The following TTLL11 variants were observed in gnomAD, a reference collection of about 807,000 sequenced individuals.
The protein encoded by TTLL11 is tubulin tyrosine ligase like 11, also known as tubulin polyglutamylase TTLL11.
In TTLL11, 42 loss-of-function variants were observed where a neutral mutation model predicts 51.7. The ratio of observed to expected loss-of-function variants is 0.81; its 90% CI spans 0.64 to 1.05. The LOEUF is 1.05. Among genes scored for constraint, TTLL11 ranks in the 50% least tolerant of loss-of-function variants. The probability of loss-of-function intolerance (pLI) is 0.00; values close to 1 mark genes in which losing one functional copy is unlikely to be tolerated. For missense variants in TTLL11, 799 were observed against 940.4 expected (o/e 0.85, Z 1.97); for synonymous variants, 381 against 383.5 (o/e 0.99, Z 0.08).
chr9:121,885,609 A>G (rs1838979916), intron 6 of TTLL11: 1 of 152,258 alleles, frequency 6.6e-6, no homozygotes, highest in South Asian at 2.1e-4. Context: ...TAATTTGCCC[A>G]AGGTCATCCA....
chr9:121,894,905 A>T (rs12000649), intron 6 of TTLL11, among the ~76,000 whole-genome samples: 55,663 of 151,708 alleles, frequency 0.37, 10,281 homozygotes, highest in East Asian at 0.5. Context: ...TAATTTTTTT[A>T]AAAAAGGGTT....
At chr9:121,925,074 A>C (rs1048955682) in intron 6 of TTLL11, among the ~76,000 whole-genome samples, 4 of 152,184 alleles carry the variant, frequency 2.6e-5, no homozygotes, top group African/African-American at 9.7e-5. Flanking sequence ...GGAGAGGAAG[A>C]AGCAGACACA....
intron 6 of TTLL11, among the ~76,000 whole-genome samples, chr9:121,958,435 TG>T (rs1842092062): frequency 6.6e-6 from 1 of 152,140 alleles, no homozygotes; most frequent in South Asian, 2.1e-4. Context: ...TGCTATCCCC[TG>T]GGGTCTTTTT....
intron 8 of TTLL11, among the ~76,000 whole-genome samples, chr9:121,826,545 ATATATGTGTGTG>A (rs1564260561): frequency 0.012 from 708 of 58,290 alleles, 32 homozygotes; most frequent in African/African-American, 0.067. Flanking sequence ...GTGTATATAT[ATATATGTGTGTG>A]TATATATATA....
chr9:121,924,274 C>T (rs1840639399), intron 6 of TTLL11, among the ~76,000 whole-genome samples: 1 of 152,216 alleles, frequency 6.6e-6, no homozygotes, highest in Non-Finnish European at 1.5e-5. Context: ...ATTGTAGGTG[C>T]TCGGCGTGTA....
At chr9:121,856,781 CCTCCAG>C (rs1261153549) in intron 8 of TTLL11, among the ~76,000 whole-genome samples, 1 of 152,228 alleles carries the variant, frequency 6.6e-6, no homozygotes, top group Non-Finnish European at 1.5e-5. Flanking sequence ...GGCACCCACA[CCTCCAG>C]CCAGTACCTA....
chr9:121,950,208 G>A (rs187261759), intron 6 of TTLL11, among the ~76,000 whole-genome samples: 9 of 152,106 alleles, frequency 5.9e-5, no homozygotes, highest in East Asian at 3.9e-4. Context: ...TCTGCACCCC[G>A]TATCACCGCA....
chr9:121,900,439 C>G (rs1416060066), intron 6 of TTLL11, among the ~76,000 whole-genome samples: 1 of 152,186 alleles, frequency 6.6e-6, no homozygotes, highest in Non-Finnish European at 1.5e-5. Flanking sequence ...TGTTATTTAG[C>G]AGTTTCACAG....
In TTLL11 at chr9:121,857,028, C is replaced by G. The variant is rs190016067; in HGVS notation, c.1840+3309G>C. 2.0e-5 allele frequency among the ~76,000 whole-genome samples: 3 copies of G among 152,348 alleles called. No individual in the cohort carries two copies. In the East Asian group the frequency reaches 5.8e-4, roughly 29 times the overall value. On this transcript the variant is annotated intron_variant, in intron 8 of 8. Transcript: ENST00000321582. Reference sequence around the variant, plus strand: ...ACCAGCCTTGAGAAGGAGGCAAGAACTGGGCCCTGGCTGGCACCAGCAGTG... The same window carrying G: ...ACCAGCCTTGAGAAGGAGGCAAGAAGTGGGCCCTGGCTGGCACCAGCAGTG...
chr9:121,972,565 A>C (rs2131653346), intron 6 of TTLL11, among the ~76,000 whole-genome samples: 1 of 152,390 alleles, frequency 6.6e-6, no homozygotes, highest in Non-Finnish European at 1.5e-5. Context: ...TGCCTCACAC[A>C]GTCAAGAACA....
chr9:121,926,347 C>T (rs1564308605), intron 6 of TTLL11, among the ~76,000 whole-genome samples: 3 of 152,238 alleles, frequency 2.0e-5, no homozygotes, highest in Admixed American at 1.3e-4. Context: ...TCCAGGTCCG[C>T]GGGTCCCTGC....
At chr9:122,067,582 C>T (rs1185680166) in intron 1 of TTLL11, among the ~76,000 whole-genome samples, 3 of 152,154 alleles carry the variant, frequency 2.0e-5, no homozygotes, top group Non-Finnish European at 4.4e-5. Flanking sequence ...AGTGCAATGG[C>T]GCGATCTCAG....
In TTLL11 at chr9:121,836,585, C is replaced by T. The variant is rs544653692; in HGVS notation, c.1841-13706G>A. ...CTTCCATCACCACAGCCTTTCTCTA[C>T]GAGGATCTGAGGATTCAGAAGGCAG... On this transcript the variant is annotated intron_variant, in intron 8 of 8. Coordinates refer to ENST00000321582, the MANE Select transcript of TTLL11 (RefSeq NM_001139442.2). 9.8e-5 allele frequency among the ~76,000 whole-genome samples: 15 copies of T among 152,308 alleles called. 1 individual carries two copies. The highest frequency in any genetic ancestry group is 2.1e-4 in the South Asian group (1 of 4,822).
At position 122,092,879 on chromosome 9, in the gene TTLL11, CG is replaced by C; in HGVS notation, c.269del (p.Pro90ArgfsTer54). On this transcript the variant is annotated frameshift_variant, in exon 1 of 9. Coordinates refer to ENST00000321582, the MANE Select transcript of TTLL11 (RefSeq NM_001139442.2). LOFTEE classifies it high-confidence loss of function. ...VLQRPPPTLP[P>X]SKPKPVQGLC... ...GGCCCTGCACCGGCTTCGGCTTGGA[CG>C]GGGGCAGCGTGGGCGGCGGCCGCTG... The C allele has an allele frequency of 6.4e-7, 1 of 1,569,882 alleles. No individual in the cohort carries two copies.
intron 8 of TTLL11, among the ~76,000 whole-genome samples, chr9:121,860,054 G>A (rs1837956677): frequency 6.6e-6 from 1 of 152,236 alleles, no homozygotes; most frequent in Non-Finnish European, 1.5e-5. Flanking sequence ...ATCTGCTCAG[G>A]AAATGTGTGT....
intron 8 of TTLL11, among the ~76,000 whole-genome samples, chr9:121,845,554 G>A (rs1837493596): frequency 1.3e-5 from 2 of 152,264 alleles, no homozygotes; most frequent in South Asian, 4.1e-4. Context: ...ATTGTTCAAA[G>A]TAATAATAGC....
intron 5 of TTLL11, among the ~76,000 whole-genome samples, chr9:121,974,392 GGT>G (rs2131658994): frequency 6.6e-6 from 1 of 152,056 alleles, no homozygotes; most frequent in Admixed American, 6.5e-5. Context: ...TATAGAAAGG[GGT>G]TAAGAAAACT....
chr9:122,055,890 G>A (rs886191391), intron 1 of TTLL11, among the ~76,000 whole-genome samples: 1 of 152,234 alleles, frequency 6.6e-6, no homozygotes, highest in Non-Finnish European at 1.5e-5. Context: ...CCCTCAGGAG[G>A]AAGCAAACTG....
intron 8 of TTLL11, among the ~76,000 whole-genome samples, chr9:121,823,302 T>C (rs1289169773): frequency 6.6e-6 from 1 of 152,188 alleles, no homozygotes; most frequent in Non-Finnish European, 1.5e-5. Flanking sequence ...TCCCAGCACT[T>C]TGGGAGGCCG....
Sources: allele counts gnomAD v4.1 joint callset (sites outside exome capture counted in the v4.1 genomes callset), GRCh38; gene constraint gnomAD v4.1.1; transcripts MANE v1.5; gene names NCBI Gene and HGNC (gene_info 2026-07-23, HGNC 2026-07-21).